The following ANK1 variants were observed in gnomAD, a reference collection of about 807,000 sequenced individuals.
ANK1 encodes ankyrin 1, also known as ankyrin-1.
A neutral mutation model predicts 210.4 loss-of-function variants in ANK1; 51 were observed. The observed-to-expected ratio is 0.24, with a 90% confidence interval of 0.19 to 0.31. The LOEUF is 0.31. ANK1 is among the 10% of genes least tolerant of loss of function. ANK1 has a pLI of 1.00. For missense variants in ANK1, 2,051 were observed against 2,504.4 expected (o/e 0.82, Z 3.86); for synonymous variants, 967 against 1,025.9 (o/e 0.94, Z 1.10).
At chr8:41,875,049 C>G (rs1331331767) in intron 1 of ANK1, among the ~76,000 whole-genome samples, 1 of 152,184 alleles carries the variant, frequency 6.6e-6, no homozygotes, top group Admixed American at 6.5e-5. Flanking sequence ...CTGTCTCGGT[C>G]CATATATGGG....
intron 9 of ANK1, among the ~76,000 whole-genome samples, chr8:41,721,599 G>A (rs1316828938): frequency 6.8e-6 from 1 of 147,352 alleles, no homozygotes; most frequent in Non-Finnish European, 1.5e-5. Context: ...GGAGGTTGCA[G>A]TGAGTAGAGA....
intron 3 of ANK1, among the ~76,000 whole-genome samples, chr8:41,733,697 C>T (rs1183566162): frequency 6.6e-6 from 1 of 152,066 alleles, no homozygotes; most frequent in African/African-American, 2.4e-5. Context: ...ACACTGAGTT[C>T]GAGTCAAGGA....
At chr8:41,876,687 C>A (rs1368666197) in intron 1 of ANK1, among the ~76,000 whole-genome samples, 1 of 152,190 alleles carries the variant, frequency 6.6e-6, no homozygotes, top group Non-Finnish European at 1.5e-5. Context: ...GCCTAAAATC[C>A]CCTGACCCGA....
chr8:41,661,401 T>C (rs748852595), intron 42 of ANK1, 29 bp downstream of exon 42: 8 of 1,612,750 alleles, frequency 5.0e-6, no homozygotes, highest in Admixed American at 3.3e-5. Context: ...GACCAGGCCA[T>C]GCAGAGGGGA....
chr8:41,688,054 T>C, intron 35 of ANK1, 102 bp downstream of exon 35: 1 of 1,349,218 alleles, frequency 7.4e-7, no homozygotes, highest in Non-Finnish European at 1.1e-6. Flanking sequence ...AACCCACGGG[T>C]GATAAAAGGA....
chr8:41,726,900 G>GT (rs1380629648), intron 5 of ANK1, among the ~76,000 whole-genome samples: 26 of 152,338 alleles, frequency 1.7e-4, no homozygotes, highest in African/African-American at 6.3e-4. Flanking sequence ...AGGGTGCATG[G>GT]TGGTTTTGTG....
chr8:41,783,232 A>G (rs1270586736), intron 1 of ANK1, among the ~76,000 whole-genome samples: 1 of 152,224 alleles, frequency 6.6e-6, no homozygotes, highest in Non-Finnish European at 1.5e-5. Context: ...AAGTCTCCCA[A>G]GTCCTACTCC....
rs1430157752 is a variant in ANK1, at chr8:41,870,488, CCT to C, written c.126+25865_126+25866del. ...CTAAAGCACTCCCTGAGCCTCAGCC[CCT>C]GTGACTGGGGATGTTTCACCCCACA... On this transcript the variant is annotated intron_variant, in intron 1 of 42. Coordinates refer to the ANK1 transcript ENST00000265709. Among the ~76,000 whole-genome samples, 3 of 152,138 alleles carry C rather than the reference CCT, an allele frequency of 2.0e-5. No homozygotes were observed. The South Asian group carries it at 6.2e-4, about 31-fold the overall frequency.
intron 37 of ANK1, among the ~76,000 whole-genome samples, chr8:41,674,573 C>T (rs1376071031): frequency 6.6e-6 from 1 of 152,226 alleles, no homozygotes; most frequent in African/African-American, 2.4e-5. Context: ...TGTGAGAGGA[C>T]CCAGCAGCTG....
Position 41,694,108 on chromosome 8 carries a change from A to G in ANK1, c.3328-6T>C, listed in dbSNP as rs1386812169. ...TCATCCGGGACAGGCTGGGCCTGTG[A>G]AATGACAGAGGCAGGACACTCAGGC... On this transcript the variant is annotated splice_polypyrimidine_tract_variant and splice_region_variant and intron_variant, in intron 28 of 42. Coordinates refer to ENST00000289734, the MANE Select transcript of ANK1 (RefSeq NM_000037.4). The surrounding 1 kb of genome is among the most constrained non-coding windows in gnomAD (Gnocchi z 5.7). The G allele has an allele frequency of 6.2e-7, 1 of 1,613,240 alleles. No homozygotes were observed. Among genetic ancestry groups the G allele is most frequent in the African/African-American group, 1.3e-5 (1 of 75,048 alleles).
intron 1 of ANK1, among the ~76,000 whole-genome samples, chr8:41,845,089 A>G (rs1809760394): frequency 6.6e-6 from 1 of 152,186 alleles, no homozygotes; most frequent in Non-Finnish European, 1.5e-5. Flanking sequence ...TGTCACACAA[A>G]GACGTGAATT....
intron 1 of ANK1, among the ~76,000 whole-genome samples, chr8:41,781,424 G>A (rs975520356): frequency 2.0e-5 from 3 of 152,152 alleles, no homozygotes; most frequent in Non-Finnish European, 2.9e-5. Context: ...ATCTGTTCTC[G>A]CCCCAGCACA....
chr8:41,826,572 A>G (rs918949454), intron 1 of ANK1, among the ~76,000 whole-genome samples: 6 of 152,180 alleles, frequency 3.9e-5, no homozygotes, highest in Non-Finnish European at 7.3e-5. Context: ...TCTCCAAATA[A>G]GGAACAACAT....
intron 1 of ANK1, among the ~76,000 whole-genome samples, chr8:41,852,381 C>A (rs1811417914): frequency 6.6e-6 from 1 of 152,196 alleles, no homozygotes; most frequent in Non-Finnish European, 1.5e-5. Flanking sequence ...CCTGTGACAT[C>A]TTGGTGCCAC....
chr8:41,889,105 G>A (rs2150836363), intron 1 of ANK1, among the ~76,000 whole-genome samples: 1 of 152,334 alleles, frequency 6.6e-6, no homozygotes, highest in East Asian at 1.9e-4. Flanking sequence ...CTCCCAAAGT[G>A]GTGGGATTAC....
At chr8:41,671,145 G>A (rs1419824406) in intron 38 of ANK1, among the ~76,000 whole-genome samples, 1 of 152,152 alleles carries the variant, frequency 6.6e-6, no homozygotes, top group Admixed American at 6.5e-5. Context: ...ACCTGCCGAC[G>A]CTGCTTTTCT....
intron 1 of ANK1, among the ~76,000 whole-genome samples, chr8:41,881,309 C>T (rs1817547169): frequency 6.6e-6 from 1 of 152,208 alleles, no homozygotes. Context: ...GAGGCAGAGT[C>T]AAGACCAGCA....
At chr8:41,658,179 C>CTA (rs1806450397) in intron 42 of ANK1, among the ~76,000 whole-genome samples, 1 of 152,128 alleles carries the variant, frequency 6.6e-6, no homozygotes, top group African/African-American at 2.4e-5. Context: ...CCTAGACAGC[C>CTA]CTTTCACAAA....
intron 1 of ANK1, among the ~76,000 whole-genome samples, chr8:41,855,371 C>G (rs1812007305): frequency 6.6e-6 from 1 of 152,190 alleles, no homozygotes; most frequent in Admixed American, 6.5e-5. Flanking sequence ...CCATAGGAGA[C>G]CTCCCTTTTA....
Sources: gnomAD v4.1 joint callset for allele counts (sites outside exome capture counted in the v4.1 genomes callset) on GRCh38, gnomAD v4.1.1 for gene constraint, Gnocchi (gnomAD v3.1) non-coding constraint, MANE v1.5 for transcripts, NCBI Gene and HGNC (gene_info 2026-07-23, HGNC 2026-07-21) for gene names.